The following MAN2A2 variants were observed in gnomAD, a reference collection of about 807,000 sequenced individuals.
MAN2A2 encodes mannosidase alpha class 2A member 2, also known as alpha-mannosidase 2x.
Under a neutral mutation model 126.8 loss-of-function variants are expected in MAN2A2, and 79 were observed. That is an observed-to-expected ratio of 0.62 (90% CI 0.52 to 0.75). MAN2A2 has a LOEUF of 0.75. Ranked by LOEUF, MAN2A2 falls within the 30% of genes least tolerant of loss-of-function variation. The pLI, the probability that MAN2A2 is intolerant of heterozygous loss-of-function variation, is 0.00. For missense variants in MAN2A2, 1,392 were observed against 1,522.4 expected (o/e 0.91, Z 1.43); for synonymous variants, 671 against 618.7 (o/e 1.08, Z -1.25).
chr15:90,904,505 A>G (rs1342986280), intron 2 of MAN2A2, among the ~76,000 whole-genome samples, 166 bp downstream of exon 2: 2 of 144,246 alleles, frequency 1.4e-5, no homozygotes, highest in East Asian at 2.2e-4. Flanking sequence ...ACCCTCAGCT[A>G]AAAACAGTGA....
rs560737972 is a variant in MAN2A2 at position 90,908,944 on chromosome 15, A to C, written c.1197-383A>C. Reference sequence around the variant, plus strand: ...CGGATGTTATCCTTATTTTGCTAGAAATGGAGGCTCAGAGAGGTTACTTGC... The same window carrying C: ...CGGATGTTATCCTTATTTTGCTAGACATGGAGGCTCAGAGAGGTTACTTGC... On this transcript the variant is annotated intron_variant, in intron 8 of 22. Coordinates refer to ENST00000559717, the MANE Select transcript of MAN2A2 (RefSeq NM_006122.4). 2.6e-5 allele frequency among the ~76,000 whole-genome samples: 4 copies of C among 152,254 alleles called. No homozygotes were observed. In the South Asian group the frequency reaches 8.3e-4, roughly 32 times the overall value.
Position 90,912,795 on chromosome 15 carries a change from C to G in MAN2A2, c.2470-82C>G. The G allele has an allele frequency of 2.6e-6, 4 of 1,543,084 alleles. No homozygotes were observed. The South Asian group carries it at 4.6e-5, about 18-fold the overall frequency. ...GCCCAGGGGTGTCTGGGAATAGGTG[C>G]TCTCTTGCCCAGCCCTGGGCTGGCA... is the stretch of plus-strand genomic sequence containing the variant. On this transcript the variant is annotated intron_variant, in intron 16 of 22. Coordinates refer to ENST00000559717, the MANE Select transcript of MAN2A2 (RefSeq NM_006122.4).
At chr15:90,918,976 C>A (rs2035398826) in intron 22 of MAN2A2, among the ~76,000 whole-genome samples, 2 of 152,260 alleles carry the variant, frequency 1.3e-5, no homozygotes, top group South Asian at 4.1e-4. Flanking sequence ...TGAGCAGGGA[C>A]CTCTATCAAG....
At position 90,906,257 on chromosome 15, in the gene MAN2A2, G is replaced by A; in HGVS notation, c.708-113G>A. The A allele has an allele frequency of 1.5e-5, 22 of 1,438,326 alleles. No individual in the cohort carries two copies. The South Asian group carries it at 2.7e-4, about 18-fold the overall frequency. The allele number at this position is 1,438,326 out of a possible 1,614,324, so 89.1% of individuals were successfully genotyped here. ...GCAAGTGTGTGTTCTCTTGGTCCTGGGATTGGGAGAACTGGTCCAGTGAGG... is the reference window on the plus strand; with the variant it reads ...GCAAGTGTGTGTTCTCTTGGTCCTGAGATTGGGAGAACTGGTCCAGTGAGG... On this transcript the variant is annotated intron_variant, in intron 5 of 22. Transcript: ENST00000559717.
chr15:90,918,428 T>G (rs771315543), intron 21 of MAN2A2, 40 bp downstream of exon 21: 8 of 1,587,834 alleles, frequency 5.0e-6, no homozygotes, highest in African/African-American at 1.3e-5. Context: ...AGCAGAGTTC[T>G]GATGGTGTCC....
In MAN2A2 at chr15:90,905,119, C is replaced by A. The variant is rs2034161485; in HGVS notation, c.133-132C>A. ...CTTTATCTGAACGGTGTCATCTATC[C>A]CTCTAGGCTCATGGTCTGGCTTTGA... On this transcript the variant is annotated intron_variant, in intron 2 of 22. Coordinates refer to ENST00000559717, the MANE Select transcript of MAN2A2 (RefSeq NM_006122.4). The A allele has an allele frequency of 3.2e-6, 3 of 930,998 alleles. No homozygotes were observed. The South Asian group carries it at 4.6e-5, about 14-fold the overall frequency. 57.7% of individuals were successfully genotyped at this position (930,998 alleles called of 1,614,324 possible).
In MAN2A2 at chr15:90,911,532, G is replaced by T. The variant is rs145546526; in HGVS notation, c.2091G>T (p.Ala697=). The change falls in exon 14 of 23, where the codon GCG becomes GCT. Residue 697 remains alanine, a synonymous_variant. Transcript: ENST00000559717. ...ISAHWSSATE[A]VPDVYQVSVP... ...CACACTGGAGCTCTGCCACCGAGGC[G>T]GTCCCTGACGTCTACCAGGTGAGGT... is the stretch of plus-strand genomic sequence containing the variant. 2 of 1,612,462 alleles carry T rather than the reference G, an allele frequency of 1.2e-6. No individual in the cohort carries two copies. Among genetic ancestry groups the T allele is most frequent in the African/African-American group, 1.3e-5 (1 of 74,920 alleles).
chr15:90,910,173 T>C lies in MAN2A2; in HGVS notation c.1458T>C (p.Phe486=). Residue 486 remains phenylalanine (F), a synonymous_variant, in exon 10 of 23, where the codon TTT becomes TTC. Transcript: ENST00000559717. Reference sequence around the variant, plus strand: ...AGCCAGGGGCCCGGCCTCCAGGGTTTCCTGTGCTGAGCGGGGATTTCTTCT... The same window carrying C: ...AGCCAGGGGCCCGGCCTCCAGGGTTCCCTGTGCTGAGCGGGGATTTCTTCT... The part of the protein sequence containing the change: ...GVEPGARPPG[F]PVLSGDFFSY... 6.2e-7 allele frequency: 1 copy of C among 1,614,188 alleles called. No homozygotes were observed.
At chr15:90,907,810 A>G (rs1420807950) in intron 8 of MAN2A2, among the ~76,000 whole-genome samples, 1 of 152,230 alleles carries the variant, frequency 6.6e-6, no homozygotes, top group Non-Finnish European at 1.5e-5. Flanking sequence ...ACTTAGTGCC[A>G]GTGTTCTGAC....
At position 90,919,615 on chromosome 15, in the gene MAN2A2, C is replaced by T. The variant is rs779313132; in HGVS notation, c.3301-20C>T. ...GTCTCGGCACCTAGCACAACCCTGC[C>T]CCTTCTCTGCTCTCCACAGGTAGCC... On this transcript the variant is annotated intron_variant, in intron 22 of 22. Transcript: ENST00000559717. The T allele has an allele frequency of 1.9e-6, 3 of 1,613,142 alleles. No individual in the cohort carries two copies. The highest frequency in any genetic ancestry group is 2.5e-6 in the Non-Finnish European group (3 of 1,179,506).
chr15:90,912,083 T>TGCTGCA lies in MAN2A2; in HGVS notation c.2154_2159dup (p.Gln721_Leu722dup), dbSNP rs1358220815. ...CGCCTGCCAGCCCTGGGCCTGGGCGTGCTGCAGCTACAGCTGGGCCTGGAT... is the reference window on the plus strand; with the variant it reads ...CGCCTGCCAGCCCTGGGCCTGGGCGTGCTGCAGCTGCAGCTACAGCTGGGCCTGGAT... On this transcript the variant is annotated inframe_insertion, in exon 15 of 23. Transcript: ENST00000559717. The TGCTGCA allele has an allele frequency of 6.2e-7, 1 of 1,613,110 alleles. No individual in the cohort carries two copies. The highest frequency in any genetic ancestry group is 1.7e-5 in the Admixed American group (1 of 60,012).
intron 2 of MAN2A2, among the ~76,000 whole-genome samples, 162 bp from the exon 3 acceptor site, chr15:90,905,089 G>A (rs1473447478): frequency 2.0e-5 from 3 of 151,958 alleles, no homozygotes; most frequent in Non-Finnish European, 4.4e-5. Flanking sequence ...GATCTGCACA[G>A]CTCCCTTTAT....
chr15:90,911,858 A>C, intron 14 of MAN2A2, 185 bp from the exon 15 acceptor site: 1 of 652,632 alleles, frequency 1.5e-6, no homozygotes, highest in Non-Finnish European at 2.7e-6. Flanking sequence ...TTTTTCAAAT[A>C]TCACTTGAGA....
chr15:90,912,180 A>C lies in MAN2A2; in HGVS notation c.2247A>C (p.Glu749Asp), dbSNP rs368148301. 18 of 1,614,114 alleles carry C rather than the reference A, an allele frequency of 1.1e-5. No individual in the cohort carries two copies. Among genetic ancestry groups the C allele is most frequent in the Non-Finnish European group, 1.4e-5 (17 of 1,180,006 alleles). Residue 749 changes from glutamate to aspartate, a missense_variant, in exon 15 of 23, where the codon GAA becomes GAC. Coordinates refer to ENST00000559717, the MANE Select transcript of MAN2A2 (RefSeq NM_006122.4). ...GGCAGCTGTCCGTCAGCAGGCACGA[A>C]GCGTTTCCTCTCCGTGTCATTGACT... The part of the protein sequence containing the change: ...HGRQLSVSRH[E>D]AFPLRVIDSG...
chr15:90,916,001 C>G, intron 19 of MAN2A2, 122 bp from the exon 20 acceptor site: 2 of 1,148,712 alleles, frequency 1.7e-6, no homozygotes, highest in Non-Finnish European at 2.5e-6. Flanking sequence ...TCCTGAGTGA[C>G]TCAGCTTCTG....
rs2035322610 is a variant in MAN2A2 at position 90,918,067 on chromosome 15, C to G, written c.2995-127C>G. On this transcript the variant is annotated intron_variant, in intron 20 of 22. Transcript: ENST00000559717. Reference sequence around the variant, plus strand: ...AACCTCGCCTGGAGCCAGGCGTGCCCTTGAGTCCAGGCACACCAGGAAAGG... The same window carrying G: ...AACCTCGCCTGGAGCCAGGCGTGCCGTTGAGTCCAGGCACACCAGGAAAGG... 5 of 878,394 alleles carry G rather than the reference C, an allele frequency of 5.7e-6. No individual in the cohort carries two copies. The South Asian group carries it at 6.3e-5, about 11-fold the overall frequency. 54.4% of individuals were successfully genotyped at this position (878,394 alleles called of 1,614,324 possible).
At chr15:90,902,896 C>A (rs960393692), upstream of MAN2A2, 6 of 149,340 alleles carry the variant, frequency 4.0e-5, no homozygotes, top group Non-Finnish European at 7.5e-5. Flanking sequence ...TGCCTGCACG[C>A]GGGCCGCCGT....
Position 90,905,475 on chromosome 15 carries a change from T to A in MAN2A2, c.357T>A (p.Ala119=), listed in dbSNP as rs1247524753. ...FSISPQDCQF[A]LGGRGQKPEL... ...TCTCCCCGCAGGACTGCCAGTTTGC[T>A]TTGGGGGGCCGGGGTCAGAAGCCAG... Residue 119 remains alanine, a synonymous_variant, in exon 3 of 23, where the codon GCT becomes GCA. Coordinates refer to ENST00000559717, the MANE Select transcript of MAN2A2 (RefSeq NM_006122.4). The A allele has an allele frequency of 1.9e-6, 3 of 1,613,936 alleles. No individual in the cohort carries two copies. The highest frequency in any genetic ancestry group is 2.5e-6 in the Non-Finnish European group (3 of 1,179,998).
chr15:90,904,597 T>C (rs1464129200), intron 2 of MAN2A2, among the ~76,000 whole-genome samples: 1 of 151,596 alleles, frequency 6.6e-6, no homozygotes, highest in Non-Finnish European at 1.5e-5. Flanking sequence ...TTCTTTCTTT[T>C]TTTTTTTTTT....
Sources: allele counts gnomAD v4.1 joint callset (sites outside exome capture counted in the v4.1 genomes callset), GRCh38; gene constraint gnomAD v4.1.1; transcripts MANE v1.5; gene names NCBI Gene and HGNC (gene_info 2026-07-23, HGNC 2026-07-21).